Variants in MAP2 observed in about 807,000 individuals in gnomAD.
MAP2 encodes microtubule associated protein 2, also known as microtubule-associated protein 2.
A neutral mutation model predicts 137.6 loss-of-function variants in MAP2; 14 were observed. The observed-to-expected ratio is 0.10, with a 90% CI of 0.07 to 0.16. MAP2 has a LOEUF of 0.16. Ranked by LOEUF, MAP2 falls within the 10% of genes least tolerant of loss-of-function variation. MAP2 has a pLI of 1.00. For synonymous variants in MAP2, 786 were observed against 782.3 expected, an observed-to-expected ratio of 1.00 and a Z score of -0.08; for missense variants, 2,088 against 2,191.5, an observed-to-expected ratio of 0.95 and a Z score of 0.94.
intron 3 of MAP2, among the ~76,000 whole-genome samples, chr2:209,608,544 G>T (rs1049874120): frequency 3.3e-5 from 5 of 152,028 alleles, no homozygotes; most frequent in African/African-American, 1.2e-4. Context: ...GAATTGTATT[G>T]TTTTTACTGG....
chr2:209,703,853 G>A (rs2062510337), intron 11 of MAP2: 2 of 370,748 alleles, frequency 5.4e-6, no homozygotes, highest in South Asian at 4.3e-5. Context: ...ATCACATTTG[G>A]AAGTAAAGAA....
At chr2:209,569,927 A>C (rs560109555) in intron 2 of MAP2, among the ~76,000 whole-genome samples, 1 of 151,898 alleles carries the variant, frequency 6.6e-6, no homozygotes, top group Admixed American at 6.6e-5. Context: ...GTCAAACAGC[A>C]AAGTTCTTTA....
At chr2:209,475,847 G>C (rs1373864655) in intron 1 of MAP2, among the ~76,000 whole-genome samples, 1 of 152,082 alleles carries the variant, frequency 6.6e-6, no homozygotes, top group Non-Finnish European at 1.5e-5. Flanking sequence ...CAGTTTAGCA[G>C]TATTCCAGAA....
intron 2 of MAP2, among the ~76,000 whole-genome samples, chr2:209,566,489 A>T (rs77088423): frequency 0.02 from 2,996 of 152,284 alleles, 95 homozygotes; most frequent in African/African-American, 0.068. Flanking sequence ...CAGTGGTTTA[A>T]AAATGAAACT....
intron 2 of MAP2, among the ~76,000 whole-genome samples, chr2:209,576,803 G>A (rs1005995446): frequency 6.6e-6 from 1 of 152,080 alleles, no homozygotes; most frequent in Non-Finnish European, 1.5e-5. Flanking sequence ...ATTGTCGGTT[G>A]TCTTGTATTC....
chr2:209,445,593 A>G (rs1326470116), intron 1 of MAP2, among the ~76,000 whole-genome samples: 1 of 151,654 alleles, frequency 6.6e-6, no homozygotes, highest in Non-Finnish European at 1.5e-5. Context: ...CTGGGCACGT[A>G]ACTAATCTGT....
At chr2:209,710,481 C>A in intron 13 of MAP2, 1 of 486,374 alleles carries the variant, frequency 2.1e-6, no homozygotes, top group East Asian at 3.4e-5. Context: ...AAATTTTTAC[C>A]AACTTTTAGT....
Position 209,502,999 on chromosome 2 carries a change from C to CTT in MAP2, c.-221-4577_-221-4576dup, listed in dbSNP as rs71043931. Among the ~76,000 whole-genome samples the CTT allele has an allele frequency of 6.2e-3, 808 of 131,308 alleles. 18 individuals carry two copies. Among genetic ancestry groups the CTT allele is most frequent in the African/African-American group, 0.014 (491 of 34,744 alleles). The allele number at this position is 131,308 out of a possible 152,430, so 86.1% of individuals were successfully genotyped here. A position where few individuals can be genotyped will look rare whatever the true frequency, so the allele number is the denominator to read the frequency against. On this transcript the variant is annotated intron_variant, in intron 1 of 15. Coordinates refer to ENST00000682079, the MANE Select transcript of MAP2 (RefSeq NM_001375505.1). ...TCCTTATATATTTCGGATTTTTTTT[C>CTT]TTTTTTTTTTTTTTTTTCTGAGACA...
At chr2:209,633,208 ACC>A (rs1335445505) in intron 4 of MAP2, among the ~76,000 whole-genome samples, 3 of 152,076 alleles carry the variant, frequency 2.0e-5, no homozygotes, top group Admixed American at 1.3e-4. Flanking sequence ...CTGTCTAAAT[ACC>A]CGTGTTCCCC....
chr2:209,692,720 A>G lies in MAP2; in HGVS notation c.550A>G (p.Lys184Glu), dbSNP rs890242730. Residue 184 changes from lysine (K) to glutamate (E), a missense_variant, in exon 8 of 16, where the codon AAG becomes GAG. This residue lies in a region of MAP2 where 859 missense variants were observed against 794.5 expected (regional missense o/e 1.08). Transcript: ENST00000682079. ...PSDQKEKESE[K>E]QSKPGEDLKH... ...AGACCAGAAGGAAAAGGAGTCAGAG[A>G]AGCAAAGTAAGCCTGGTGAAGACCT... The G allele has an allele frequency of 5.0e-6, 8 of 1,613,918 alleles. No individual in the cohort carries two copies. The highest frequency in any genetic ancestry group is 5.9e-6 in the Non-Finnish European group (7 of 1,179,966).
intron 2 of MAP2, among the ~76,000 whole-genome samples, chr2:209,546,489 A>T (rs750796124): frequency 1.2e-4 from 19 of 152,238 alleles, no homozygotes; most frequent in African/African-American, 2.4e-5. Context: ...CTGTGGAGTC[A>T]GTTAAACTAA....
At chr2:209,612,431 A>C (rs537206263) in intron 3 of MAP2, among the ~76,000 whole-genome samples, 2 of 152,278 alleles carry the variant, frequency 1.3e-5, no homozygotes, top group East Asian at 3.9e-4. Flanking sequence ...TTCACAGTTT[A>C]TTTCTTTATG....
chr2:209,670,288 C>A (rs1233232840), intron 5 of MAP2, among the ~76,000 whole-genome samples: 4 of 151,802 alleles, frequency 2.6e-5, no homozygotes, highest in South Asian at 4.2e-4. Context: ...CATTGGACAC[C>A]CCCAAAACCA....
chr2:209,541,807 A>G (rs1447893975), intron 2 of MAP2, among the ~76,000 whole-genome samples: 2 of 152,182 alleles, frequency 1.3e-5, no homozygotes, highest in African/African-American at 4.8e-5. Flanking sequence ...TTCTTTTTCT[A>G]TTTCCACCAC....
At chr2:209,705,818 A>C in intron 12 of MAP2, 91 bp downstream of exon 12, 1 of 1,153,714 alleles carries the variant, frequency 8.7e-7, no homozygotes, top group Non-Finnish European at 1.2e-6. Flanking sequence ...ATTTGTAAAA[A>C]TAAAACATGC....
At chr2:209,670,185 C>G (rs1468710654) in intron 5 of MAP2, among the ~76,000 whole-genome samples, 1 of 151,872 alleles carries the variant, frequency 6.6e-6, no homozygotes, top group Non-Finnish European at 1.5e-5. Context: ...TTCTCTTTCT[C>G]AAGTTAAGAT....
chr2:209,436,695 A>G (rs1174217184), intron 1 of MAP2, among the ~76,000 whole-genome samples: 1 of 151,750 alleles, frequency 6.6e-6, no homozygotes, highest in East Asian at 1.9e-4. Flanking sequence ...AGCATGTTAG[A>G]TACTGGAGAC....
chr2:209,516,324 A>G (rs757184906), intron 2 of MAP2, among the ~76,000 whole-genome samples: 22 of 152,150 alleles, frequency 1.4e-4, no homozygotes, highest in Non-Finnish European at 2.4e-4. Flanking sequence ...TGCTTCACCT[A>G]GAATGAATAT....
At position 209,572,397 on chromosome 2, in the gene MAP2, TA is replaced by T. The variant is rs552731830; in HGVS notation, c.-171-7636del. ...TTTCATCCAAGTTCAGTGGAGATAC[TA>T]AATATTTTGTTTAAATATTTCTTAC... On this transcript the variant is annotated intron_variant, in intron 2 of 15. Transcript: ENST00000682079. 4.6e-3 allele frequency among the ~76,000 whole-genome samples: 707 copies of T among 152,272 alleles called. 9 individuals carry two copies. Among genetic ancestry groups the T allele is most frequent in the African/African-American group, 0.016 (661 of 41,578 alleles).
Sources: allele counts gnomAD v4.1 joint callset (sites outside exome capture counted in the v4.1 genomes callset), GRCh38; gene constraint gnomAD v4.1.1; regional missense constraint gnomAD v4.1.1; transcripts MANE v1.5; gene names NCBI Gene and HGNC (gene_info 2026-07-23, HGNC 2026-07-21).